RCC2: variants seen among roughly 807,000 people sequenced by gnomAD.
The protein encoded by RCC2 is regulator of chromosome condensation 2.
RCC2 carries 19 observed loss-of-function variants against 64.1 expected under a neutral mutation model. The ratio of observed to expected loss-of-function variants is 0.30; its 90% CI spans 0.21 to 0.44. The LOEUF is 0.44. Ranked by LOEUF, RCC2 falls within the 20% of genes least tolerant of loss-of-function variation. The pLI is 1.00. For synonymous variants in RCC2, 325 were observed against 279.6 expected (o/e 1.16, Z -1.62); for missense variants, 508 against 710.4 (o/e 0.72, Z 3.24).
At chr1:17,425,239 C>A (rs1388837030) in intron 4 of RCC2, among the ~76,000 whole-genome samples, 1 of 152,082 alleles carries the variant, frequency 6.6e-6, no homozygotes, top group Non-Finnish European at 1.5e-5. Flanking sequence ...CACTCACACA[C>A]CTCAGTATCA....
chr1:17,429,069 A>G, intron 3 of RCC2, 37 bp downstream of exon 3: 1 of 1,503,176 alleles, frequency 6.7e-7, no homozygotes, highest in Non-Finnish European at 9.3e-7. Flanking sequence ...AGCACTTAAG[A>G]AGCACTCAAT....
chr1:17,438,889 A>G (rs2075774598), intron 1 of RCC2, among the ~76,000 whole-genome samples: 1 of 152,228 alleles, frequency 6.6e-6, no homozygotes, highest in Non-Finnish European at 1.5e-5. Context: ...TTTTCATTAA[A>G]GAAGGCTTCG....
In RCC2 at chr1:17,422,134, C is replaced by A. The variant is rs560797715; in HGVS notation, c.744+69G>T. 30 of 1,177,814 alleles carry A rather than the reference C, an allele frequency of 2.5e-5. No homozygotes were observed. The African/African-American group carries it at 3.1e-4, about 12-fold the overall frequency. The allele number at this position is 1,177,814 out of a possible 1,614,324, so 73.0% of individuals were successfully genotyped here. On this transcript the variant is annotated intron_variant, in intron 6 of 12. Coordinates refer to ENST00000375436, the MANE Select transcript of RCC2 (RefSeq NM_018715.4). ...TAAATTAACTCAAACGGAGACCCCA[C>A]CTTAGAAAATCAAACACAAAAGTAA... is the stretch of plus-strand genomic sequence containing the variant.
intron 2 of RCC2, among the ~76,000 whole-genome samples, chr1:17,430,930 C>T (rs2075668816): frequency 6.6e-6 from 1 of 151,914 alleles, no homozygotes; most frequent in Admixed American, 6.6e-5. Flanking sequence ...GTTGGCCAGG[C>T]TGGTCTCAAA....
At chr1:17,421,002 G>A (rs1264070876) in intron 6 of RCC2, among the ~76,000 whole-genome samples, 174 bp from the exon 7 acceptor site, 2 of 152,164 alleles carry the variant, frequency 1.3e-5, no homozygotes, top group African/African-American at 4.8e-5. Context: ...TAGAAGATAT[G>A]TAAAGAAGCA....
intron 2 of RCC2, among the ~76,000 whole-genome samples, chr1:17,429,695 A>G (rs1234228790): frequency 2.0e-5 from 3 of 152,168 alleles, no homozygotes; most frequent in East Asian, 1.9e-4. Flanking sequence ...GGAAGAAAAC[A>G]GTAGAGAACA....
intron 1 of RCC2, 81 bp from the exon 2 acceptor site, chr1:17,438,603 C>A (rs569364186): frequency 1.3e-5 from 16 of 1,228,496 alleles, no homozygotes; most frequent in Admixed American, 3.3e-5. Flanking sequence ...ACGAGCCACC[C>A]GGCCTCCACT....
intron 2 of RCC2, among the ~76,000 whole-genome samples, chr1:17,434,614 C>A (rs76066702): frequency 0.035 from 5,274 of 152,312 alleles, 132 homozygotes; most frequent in Non-Finnish European, 0.05. Context: ...GCTAGTTGGT[C>A]AGAAGCTACC....
intron 1 of RCC2, among the ~76,000 whole-genome samples, 195 bp downstream of exon 1, chr1:17,439,350 T>G (rs2075781270): frequency 6.7e-6 from 1 of 148,666 alleles, no homozygotes; most frequent in Admixed American, 6.6e-5. Context: ...TTTTTTTAAT[T>G]GATTTTGAAC....
intron 6 of RCC2, among the ~76,000 whole-genome samples, chr1:17,421,973 C>G (rs1186654651): frequency 6.6e-6 from 1 of 151,918 alleles, no homozygotes; most frequent in South Asian, 2.1e-4. Flanking sequence ...TGCAGTGAGC[C>G]GAGATTGCGC....
chr1:17,421,655 C>T (rs1319276175), intron 6 of RCC2, among the ~76,000 whole-genome samples: 1 of 152,210 alleles, frequency 6.6e-6, no homozygotes, highest in Non-Finnish European at 1.5e-5. Flanking sequence ...CAAGGCATTT[C>T]TAACAGATTT....
intron 8 of RCC2, among the ~76,000 whole-genome samples, chr1:17,415,714 A>G (rs1470065949): frequency 6.9e-6 from 1 of 144,372 alleles, no homozygotes; most frequent in Non-Finnish European, 1.5e-5. Flanking sequence ...CGCCTCAAAT[A>G]AAAAAAAAAA....
rs750168150 is a variant in RCC2 at position 17,420,746 on chromosome 1, T to C, written c.827A>G (p.Tyr276Cys). 65 of 1,608,844 alleles carry C rather than the reference T, an allele frequency of 4.0e-5. No individual in the cohort carries two copies. The highest frequency in any genetic ancestry group is 3.3e-4 in the East Asian group (15 of 44,870). Reference sequence around the variant, plus strand: ...ACCATATTCAGGGCACCCAAAGGAATAGAGGTTTCCTTTGCAGTCCATTAT... The same window carrying C: ...ACCATATTCAGGGCACCCAAAGGAACAGAGGTTTCCTTTGCAGTCCATTAT... ...SMIMDCKGNL[Y>C]SFGCPEYGQL... The change falls in exon 7 of 13, where the codon TAT becomes TGT. Residue 276 changes from tyrosine to cysteine, a missense_variant. Physicochemically the swap from Tyr to Cys is radical, Grantham distance 194 (BLOSUM62 -2). This residue lies in a region of RCC2 where 179 missense variants were observed against 322.0 expected (regional missense o/e 0.56). Transcript: ENST00000375436.
chr1:17,425,599 C>T lies in RCC2; in HGVS notation c.465G>A (p.Ser155=), dbSNP rs548480296. 1.1e-5 allele frequency: 18 copies of T among 1,614,074 alleles called. No homozygotes were observed. The highest frequency in any genetic ancestry group is 9.9e-5 in the South Asian group (9 of 91,078). Residue 155 remains serine, a synonymous_variant, in exon 4 of 13, where the codon TCG becomes TCA. Transcript: ENST00000375436. The stretch of plus-strand genomic sequence containing the variant: ...GGAGGCTGTGTGCAGCACACGAGCC[C>T]GAGACCACTGTCCGCACCCGGACCC... ...LAGVRVRTVV[S]GSCAAHSLLI...
intron 7 of RCC2, 132 bp downstream of exon 7, chr1:17,420,581 AC>A: frequency 1.1e-5 from 6 of 527,308 alleles, no homozygotes; most frequent in South Asian, 3.9e-5. Flanking sequence ...CGTGAGATCC[AC>A]TTAACGGACA....
chr1:17,410,602 G>A (rs1201034740), intron 11 of RCC2, among the ~76,000 whole-genome samples: 1 of 152,210 alleles, frequency 6.6e-6, no homozygotes, highest in Non-Finnish European at 1.5e-5. Context: ...GGGGAGTCTT[G>A]TGCAAAGGTG....
In RCC2 at chr1:17,429,088, G is replaced by C. The variant is rs1424345837; in HGVS notation, c.379+18C>G. ...CTTAAGAAGCACTCAATGGGTTTTT[G>C]AGGCACCATTCTCATACCTTGCTGT... is the stretch of plus-strand genomic sequence containing the variant. On this transcript the variant is annotated intron_variant, in intron 3 of 12. Transcript: ENST00000375436. The C allele has an allele frequency of 6.3e-7, 1 of 1,598,798 alleles. No homozygotes were observed. The highest frequency in any genetic ancestry group is 8.6e-7 in the Non-Finnish European group (1 of 1,166,154).
At chr1:17,422,364 C>T in intron 5 of RCC2, 73 bp from the exon 6 acceptor site, 1 of 1,370,158 alleles carries the variant, frequency 7.3e-7, no homozygotes, top group Non-Finnish European at 1.0e-6. Flanking sequence ...GAATCAAAGG[C>T]ATCAAAATAA....
chr1:17,424,813 T>C (rs1338569602), intron 4 of RCC2, among the ~76,000 whole-genome samples: 1 of 152,136 alleles, frequency 6.6e-6, no homozygotes, highest in Admixed American at 6.5e-5. Flanking sequence ...AAATGAGCCT[T>C]AGCCCATACC....
Sources: gnomAD v4.1 joint callset for allele counts (sites outside exome capture counted in the v4.1 genomes callset) on GRCh38, gnomAD v4.1.1 for gene constraint, gnomAD v4.1.1 regional missense constraint, MANE v1.5 for transcripts, NCBI Gene and HGNC (gene_info 2026-07-23, HGNC 2026-07-21) for gene names.